Variants in RILPL2 observed in about 807,000 individuals in gnomAD.
RILPL2 encodes RILP-like protein 2.
In RILPL2, 19 loss-of-function variants were observed where a neutral mutation model predicts 22.2. The observed-to-expected ratio is 0.86, with a 90% CI of 0.60 to 1.25. The LOEUF is 1.25. Among genes scored for constraint, RILPL2 ranks in the 50% most tolerant of loss-of-function variants. The pLI, the probability that RILPL2 is intolerant of heterozygous loss-of-function variation, is 0.00. For synonymous variants in RILPL2, 123 were observed against 111.6 expected (o/e 1.10, Z -0.64); for missense variants, 243 against 263.6 (o/e 0.92, Z 0.54).
At chr12:123,425,673 A>G (rs1879424967) in intron 2 of RILPL2, among the ~76,000 whole-genome samples, 1 of 143,596 alleles carries the variant, frequency 7.0e-6, no homozygotes, top group Non-Finnish European at 1.5e-5. Flanking sequence ...TTTTTTTGAG[A>G]CAGAGTCTTG....
intron 2 of RILPL2, among the ~76,000 whole-genome samples, chr12:123,429,840 T>C (rs1039596426): frequency 5.3e-5 from 8 of 151,328 alleles, no homozygotes; most frequent in Admixed American, 5.3e-4. Context: ...AATGGCCAGG[T>C]GTGGTGGCTC....
At chr12:123,429,558 G>T (rs921923261) in intron 2 of RILPL2, among the ~76,000 whole-genome samples, 1 of 151,774 alleles carries the variant, frequency 6.6e-6, no homozygotes, top group Non-Finnish European at 1.5e-5. Context: ...GCCTCCCAAG[G>T]TGCTGGGATT....
chr12:123,425,317 C>T lies in RILPL2; in HGVS notation c.492-2160G>A, dbSNP rs190933091. Reference sequence around the variant, plus strand: ...TCAGCCTCCCGAGTAGCTGGGATTACAGGTGCCCACCACCACACTTGGCTA... The same window carrying T: ...TCAGCCTCCCGAGTAGCTGGGATTATAGGTGCCCACCACCACACTTGGCTA... On this transcript the variant is annotated intron_variant, in intron 2 of 3. Coordinates refer to ENST00000280571, the MANE Select transcript of RILPL2 (RefSeq NM_145058.3). 6.0e-3 allele frequency among the ~76,000 whole-genome samples: 913 copies of T among 152,158 alleles called. 9 individuals are homozygous for T. Among genetic ancestry groups the T allele is most frequent in the African/African-American group, 0.02 (848 of 41,524 alleles).
chr12:123,419,274 C>T (rs998934249), intron 3 of RILPL2, among the ~76,000 whole-genome samples: 1 of 152,060 alleles, frequency 6.6e-6, no homozygotes, highest in African/African-American at 2.4e-5. Context: ...CTGCCCGCCT[C>T]GGCCTCCCAA....
chr12:123,423,411 G>C (rs770143752), intron 2 of RILPL2, among the ~76,000 whole-genome samples: 17 of 151,856 alleles, frequency 1.1e-4, no homozygotes, highest in Non-Finnish European at 1.8e-4. Flanking sequence ...GTGTTGCCCA[G>C]GCTGGTCTCA....
At chr12:123,424,732 AT>A (rs1297674348) in intron 2 of RILPL2, among the ~76,000 whole-genome samples, 2 of 152,200 alleles carry the variant, frequency 1.3e-5, no homozygotes, top group Non-Finnish European at 1.5e-5. Context: ...AAAATGAAAC[AT>A]TTCAATTACG....
At chr12:123,427,158 C>T (rs1304890991) in intron 2 of RILPL2, among the ~76,000 whole-genome samples, 1 of 152,150 alleles carries the variant, frequency 6.6e-6, no homozygotes, top group African/African-American at 2.4e-5. Context: ...GAGCTTCTCA[C>T]TTGGCTGCGT....
At chr12:123,413,359 C>CT (rs1335421210), downstream of RILPL2, 1 of 154,552 alleles carries the variant, frequency 6.5e-6, no homozygotes, top group Admixed American at 6.5e-5. Context: ...TTTGTTCCTT[C>CT]TGATGTTCAG....
intron 3 of RILPL2, among the ~76,000 whole-genome samples, chr12:123,417,092 A>G (rs149275017): frequency 8.9e-4 from 135 of 152,186 alleles, no homozygotes; most frequent in Middle Eastern, 3.4e-3. Flanking sequence ...TGAGCTCAGG[A>G]GTTCCAGACC....
chr12:123,426,450 C>A (rs1176077573), intron 2 of RILPL2, among the ~76,000 whole-genome samples: 1 of 151,916 alleles, frequency 6.6e-6, no homozygotes, highest in Non-Finnish European at 1.5e-5. Flanking sequence ...ACCTGCCCAG[C>A]TGATATTTTA....
chr12:123,430,720 A>ATTC, intron 1 of RILPL2, 61 bp from the exon 2 acceptor site: 1 of 1,145,890 alleles, frequency 8.7e-7, no homozygotes, highest in Non-Finnish European at 1.1e-6. Context: ...TATTATTATT[A>ATTC]TTATATTTTT....
At chr12:123,434,931 T>A (rs1043844214) in intron 1 of RILPL2, among the ~76,000 whole-genome samples, 1 of 151,646 alleles carries the variant, frequency 6.6e-6, no homozygotes, top group African/African-American at 2.4e-5. Context: ...TCCCAGCACT[T>A]TGGAAGGCTG....
At chr12:123,420,663 C>A (rs1481871893) in intron 3 of RILPL2, among the ~76,000 whole-genome samples, 1 of 151,132 alleles carries the variant, frequency 6.6e-6, no homozygotes, top group African/African-American at 2.4e-5. Flanking sequence ...TCTCGAACTC[C>A]TGACCTCAGG....
chr12:123,419,928 C>T (rs1317352805), intron 3 of RILPL2, among the ~76,000 whole-genome samples: 2 of 143,808 alleles, frequency 1.4e-5, no homozygotes, highest in East Asian at 2.0e-4. Context: ...CAGGTTAAAG[C>T]GATTCTCCTG....
intron 3 of RILPL2, among the ~76,000 whole-genome samples, chr12:123,418,079 T>C (rs563810894): frequency 3.9e-5 from 6 of 152,232 alleles, no homozygotes; most frequent in South Asian, 4.1e-4. Context: ...TACAGGCACA[T>C]ACCCGGCTAA....
intron 3 of RILPL2, 149 bp from the exon 4 acceptor site, chr12:123,416,070 T>A (rs758052007): frequency 3.0e-5 from 25 of 819,854 alleles, no homozygotes; most frequent in Admixed American, 5.7e-5. Flanking sequence ...TGTAATCCTA[T>A]GATTTTGGGA....
At chr12:123,420,613 T>G (rs1019886665) in intron 3 of RILPL2, among the ~76,000 whole-genome samples, 1 of 151,326 alleles carries the variant, frequency 6.6e-6, no homozygotes, top group Non-Finnish European at 1.5e-5. Flanking sequence ...ATTTTTGTAT[T>G]TTTAGTAGAG....
At chr12:123,419,449 T>A (rs1879213626) in intron 3 of RILPL2, among the ~76,000 whole-genome samples, 1 of 152,090 alleles carries the variant, frequency 6.6e-6, no homozygotes, top group Non-Finnish European at 1.5e-5. Context: ...CAGAGGAAAG[T>A]GCATAGCATG....
Position 123,436,412 on chromosome 12 carries a change from C to T in RILPL2, c.9G>A (p.Glu3=). The change falls in exon 1 of 4, where the codon GAG becomes GAA. Residue 3 remains glutamate (E), a synonymous_variant. Coordinates refer to ENST00000280571, the MANE Select transcript of RILPL2 (RefSeq NM_145058.3). This position sits in a 1 kb window ranked among gnomAD's most constrained non-coding sequence, Gnocchi z 6.7. ...CCTCTTCCTCTTCTCGCACAGGGGG[C>T]TCCTCCATGGCCACCCAGACCCCCG... ME[E]PPVREEEEEE... is the part of the protein sequence containing the mutation. 6.5e-7 allele frequency: 1 copy of T among 1,547,882 alleles called. No homozygotes were observed. The highest frequency in any genetic ancestry group is 8.7e-7 in the Non-Finnish European group (1 of 1,146,930).
Sources: allele counts gnomAD v4.1 joint callset (sites outside exome capture counted in the v4.1 genomes callset), GRCh38; gene constraint gnomAD v4.1.1; non-coding constraint Gnocchi (gnomAD v3.1); transcripts MANE v1.5; gene names NCBI Gene and HGNC (gene_info 2026-07-23, HGNC 2026-07-21).